The following GPC5 variants were observed in gnomAD, a reference collection of about 807,000 sequenced individuals.
GPC5 encodes the protein glypican-5.
A neutral mutation model predicts 53.9 loss-of-function variants in GPC5; 47 were observed. That is an observed-to-expected ratio of 0.87 (90% CI 0.69 to 1.11). GPC5 has a LOEUF of 1.11. Ranked by LOEUF, GPC5 falls within the 50% of genes most tolerant of loss-of-function variation. The probability of loss-of-function intolerance (pLI) is 0.00; values close to 1 mark genes in which losing one functional copy is unlikely to be tolerated. For synonymous variants in GPC5, 286 were observed against 263.3 expected (o/e 1.09, Z -0.84); for missense variants, 748 against 713.1 (o/e 1.05, Z -0.56).
intron 6 of GPC5, among the ~76,000 whole-genome samples, chr13:92,089,791 TC>T (rs1446384859): frequency 1.3e-5 from 2 of 152,186 alleles, no homozygotes; most frequent in African/African-American, 4.8e-5. Context: ...ATTATTCAGT[TC>T]CCAGCCTCTG....
At chr13:92,396,963 A>G (rs773178779) in intron 7 of GPC5, among the ~76,000 whole-genome samples, 3 of 152,180 alleles carry the variant, frequency 2.0e-5, no homozygotes, top group Admixed American at 6.5e-5. Flanking sequence ...CACTCTGGGC[A>G]TATTTCACAG....
intron 2 of GPC5, among the ~76,000 whole-genome samples, chr13:91,550,004 A>G (rs2030531018): frequency 6.6e-6 from 1 of 152,204 alleles, no homozygotes; most frequent in Non-Finnish European, 1.5e-5. Flanking sequence ...AGAGCAACCA[A>G]GTTGTTCCTC....
chr13:91,924,835 A>ATT (rs751973389), intron 6 of GPC5, among the ~76,000 whole-genome samples: 4 of 145,368 alleles, frequency 2.8e-5, no homozygotes, highest in Non-Finnish European at 4.6e-5. Flanking sequence ...TACTTCATGA[A>ATT]TTTTTTTTTT....
At chr13:92,073,995 A>G (rs747859453) in intron 6 of GPC5, among the ~76,000 whole-genome samples, 17 of 152,130 alleles carry the variant, frequency 1.1e-4, no homozygotes, top group Non-Finnish European at 1.6e-4. Context: ...GTGAAGAAAC[A>G]TGTGTTTGCT....
chr13:92,657,449 C>G (rs1013176106), intron 7 of GPC5, among the ~76,000 whole-genome samples: 2 of 151,982 alleles, frequency 1.3e-5, no homozygotes, highest in Non-Finnish European at 1.5e-5. Context: ...GTCTAGATCC[C>G]AGGGTGCAAG....
chr13:92,525,152 T>C (rs766957221), intron 7 of GPC5, among the ~76,000 whole-genome samples: 1 of 151,978 alleles, frequency 6.6e-6, no homozygotes. Flanking sequence ...AGCCCTCCCA[T>C]TGATTTTCTT....
At chr13:92,293,357 GT>G (rs1229774176) in intron 7 of GPC5, among the ~76,000 whole-genome samples, 1 of 140,436 alleles carries the variant, frequency 7.1e-6, no homozygotes, top group Non-Finnish European at 1.5e-5. Context: ...GTGTTTTGAA[GT>G]TTTCCTTGTA....
Position 91,708,665 on chromosome 13 carries a change from C to T in GPC5, c.1020+14784C>T, listed in dbSNP as rs367953454. Among the ~76,000 whole-genome samples, 95 of 151,954 alleles carry T rather than the reference C, an allele frequency of 6.3e-4. No individual in the cohort carries two copies. The South Asian group carries it at 0.017, about 27-fold the overall frequency. ...CACTGAATTGTGGATTTCAAAAGGGCGAATTTTATGTTCTGTGAACTATAT... is the reference window on the plus strand; with the variant it reads ...CACTGAATTGTGGATTTCAAAAGGGTGAATTTTATGTTCTGTGAACTATAT... On this transcript the variant is annotated intron_variant, in intron 3 of 7. Transcript: ENST00000377067.
intron 7 of GPC5, among the ~76,000 whole-genome samples, chr13:92,310,127 A>G (rs1332387078): frequency 1.3e-5 from 2 of 151,958 alleles, no homozygotes; most frequent in Non-Finnish European, 2.9e-5. Context: ...ATGTGTATGT[A>G]TGTTTATGTA....
intron 7 of GPC5, among the ~76,000 whole-genome samples, chr13:92,296,928 C>T (rs572041116): frequency 0.01 from 1,546 of 152,332 alleles, 27 homozygotes; most frequent in Middle Eastern, 0.044. Context: ...ACCTGCAGCC[C>T]GCCATGCCTG....
intron 7 of GPC5, among the ~76,000 whole-genome samples, chr13:92,694,149 G>A (rs1594425282): frequency 6.6e-6 from 1 of 152,342 alleles, no homozygotes; most frequent in African/African-American, 2.4e-5. Context: ...GATTTCAAAG[G>A]ATGTATGGAA....
At chr13:92,735,802 T>G (rs1361315087) in intron 7 of GPC5, among the ~76,000 whole-genome samples, 1 of 152,016 alleles carries the variant, frequency 6.6e-6, no homozygotes, top group Non-Finnish European at 1.5e-5. Flanking sequence ...CTTATAAAGA[T>G]TAAATGAGAA....
At chr13:92,548,413 A>G (rs1028836074) in intron 7 of GPC5, among the ~76,000 whole-genome samples, 1 of 151,344 alleles carries the variant, frequency 6.6e-6, no homozygotes, top group Non-Finnish European at 1.5e-5. Context: ...ATGTCAACCA[A>G]CAAATTATGT....
At position 92,677,803 on chromosome 13, in the gene GPC5, T is replaced by C. The variant is rs540462701; in HGVS notation, c.1562-188479T>C. Among the ~76,000 whole-genome samples the C allele has an allele frequency of 3.9e-5, 6 of 152,328 alleles. No homozygotes were observed. The South Asian group carries it at 1.2e-3, about 32-fold the overall frequency. On this transcript the variant is annotated intron_variant, in intron 7 of 7. Coordinates refer to ENST00000377067, the MANE Select transcript of GPC5 (RefSeq NM_004466.6). The stretch of plus-strand genomic sequence containing the variant: ...ACCCATGTGCTTTATCTACTCACAC[T>C]GTTTGCCCAGGAAATCTGGCACTCC...
chr13:92,802,257 G>T (rs1369545377), intron 7 of GPC5, among the ~76,000 whole-genome samples: 1 of 151,842 alleles, frequency 6.6e-6, no homozygotes. Context: ...CAGGCTAGGA[G>T]CAATAGCCTA....
chr13:91,400,256 C>T (rs1044322811), intron 1 of GPC5, among the ~76,000 whole-genome samples: 4 of 152,116 alleles, frequency 2.6e-5, no homozygotes, highest in Non-Finnish European at 5.9e-5. Context: ...GGGGGACTTG[C>T]TTGTAGCAAT....
intron 7 of GPC5, among the ~76,000 whole-genome samples, chr13:92,548,474 GTTTAT>G (rs1266068809): frequency 6.6e-6 from 1 of 151,378 alleles, no homozygotes; most frequent in Non-Finnish European, 1.5e-5. Context: ...TAACAATAAT[GTTTAT>G]TTTAATAATT....
At chr13:91,838,689 C>A (rs2038750515) in intron 5 of GPC5, among the ~76,000 whole-genome samples, 1 of 151,992 alleles carries the variant, frequency 6.6e-6, no homozygotes, top group Admixed American at 6.6e-5. Context: ...ATTCCCTACG[C>A]TGGGGCTTTT....
At chr13:91,582,702 C>G (rs950341220) in intron 2 of GPC5, among the ~76,000 whole-genome samples, 1 of 152,080 alleles carries the variant, frequency 6.6e-6, no homozygotes, top group African/African-American at 2.4e-5. Flanking sequence ...AACACAAGCT[C>G]AATTGGTAAT....
Sources: allele counts gnomAD v4.1 joint callset (sites outside exome capture counted in the v4.1 genomes callset), GRCh38; gene constraint gnomAD v4.1.1; transcripts MANE v1.5; gene names NCBI Gene and HGNC (gene_info 2026-07-23, HGNC 2026-07-21).